The following MDGA1 variants were observed in gnomAD, a reference collection of about 807,000 sequenced individuals.
MDGA1 encodes MAM domain-containing glycosylphosphatidylinositol anchor protein 1.
Under a neutral mutation model 101.5 loss-of-function variants are expected in MDGA1, and 54 were observed. The ratio of observed to expected loss-of-function variants is 0.53; its 90% CI spans 0.43 to 0.67. The LOEUF (loss-of-function observed/expected upper bound fraction) is 0.67, where lower values mean the gene tolerates loss of function less well. MDGA1 is among the 30% of genes least tolerant of loss of function. The pLI is 0.00. For missense variants in MDGA1, 1,083 were observed against 1,323.8 expected (o/e 0.82, Z 2.82); for synonymous variants, 533 against 558.3 (o/e 0.95, Z 0.64).
rs1763937391 is a variant in MDGA1 at position 37,636,718 on chromosome 6, T to A, written c.*650A>T. 2 of 152,744 alleles carry A rather than the reference T, an allele frequency of 1.3e-5. No individual in the cohort carries two copies. The allele number at this position is 152,744 out of a possible 1,614,324, so 9.5% of individuals were successfully genotyped here. ...GGTGTCCCAGAAATAGGTCAAGGAA[T>A]CTGGGGTGACCTATGGTCTCCACCA... On this transcript the variant is annotated 3_prime_UTR_variant, in exon 17 of 17. Coordinates refer to ENST00000434837, the MANE Select transcript of MDGA1 (RefSeq NM_153487.4).
Position 37,654,852 on chromosome 6 carries a change from G to C in MDGA1, c.660C>G (p.Asn220Lys), listed in dbSNP as rs774644920. Residue 220 changes from asparagine (N) to lysine (K), a missense_variant, in exon 5 of 17, where the codon AAC becomes AAG. Physicochemically the swap from Asn to Lys is moderately conservative, Grantham distance 94 (BLOSUM62 0). Around this residue, in one of 3 missense-constraint regions of MDGA1, gnomAD observed 310 missense variants for 355.9 expected, o/e 0.87. Transcript: ENST00000434837. The stretch of plus-strand genomic sequence containing the variant: ...TGGCCTTGTCTGGGATGCCGCACAC[G>C]TTACGCACAGACACCTGGCAGGTGT... ...ASYTCQVSVR[N>K]VCGIPDKAIT... 1.9e-6 allele frequency: 3 copies of C among 1,613,794 alleles called. No homozygotes were observed. Among genetic ancestry groups the C allele is most frequent in the Non-Finnish European group, 2.5e-6 (3 of 1,179,824 alleles).
chr6:37,674,165 C>T (rs975280054), intron 1 of MDGA1, among the ~76,000 whole-genome samples: 33 of 152,192 alleles, frequency 2.2e-4, no homozygotes, highest in African/African-American at 7.5e-4. Flanking sequence ...GCCTTTTCTG[C>T]TCATCAAAAC....
chr6:37,652,139 G>A lies in MDGA1; in HGVS notation c.1184C>T (p.Ala395Val). The change falls in exon 7 of 17, where the codon GCA (alanine) becomes GTA (valine). Residue 395 changes from alanine to valine, a missense_variant. Physicochemically the swap from Ala to Val is moderately conservative, Grantham distance 64. Coordinates refer to ENST00000434837, the MANE Select transcript of MDGA1 (RefSeq NM_153487.4). This position sits in a 1 kb window ranked among gnomAD's most constrained non-coding sequence, Gnocchi z 4.3. ...AATGAGCTCTAGGCTGCTGGTGACT[G>A]CGGGCAGCTCAGGATCATTGCGGGT... ...LVTRNDPELP[A>V]VTSSLELIDL... 1 of 1,613,938 alleles carries A rather than the reference G, an allele frequency of 6.2e-7. No individual in the cohort carries two copies. The highest frequency in any genetic ancestry group is 8.5e-7 in the Non-Finnish European group (1 of 1,179,872).
At chr6:37,675,212 G>A (rs1405013440) in intron 1 of MDGA1, among the ~76,000 whole-genome samples, 1 of 152,162 alleles carries the variant, frequency 6.6e-6, no homozygotes, top group Non-Finnish European at 1.5e-5. Context: ...TGAGGGGTAG[G>A]GAGGAGTGCG....
At chr6:37,639,345 A>G (rs1764009784) in intron 14 of MDGA1, 1 of 152,368 alleles carries the variant, frequency 6.6e-6, no homozygotes, top group Admixed American at 6.5e-5. Flanking sequence ...GGATTTGCCC[A>G]GCAAAAGAGT....
At chr6:37,660,077 T>C (rs931935667) in intron 2 of MDGA1, among the ~76,000 whole-genome samples, 5 of 151,440 alleles carry the variant, frequency 3.3e-5, no homozygotes, top group African/African-American at 1.2e-4. Context: ...TCTTGCTCTG[T>C]CACCCAGGCT....
chr6:37,694,940 T>C (rs1762387049), intron 1 of MDGA1, among the ~76,000 whole-genome samples: 1 of 150,360 alleles, frequency 6.7e-6, no homozygotes, highest in Non-Finnish European at 1.5e-5. Context: ...GGCCCTAGAG[T>C]ACTCTGAAAT....
chr6:37,679,385 G>A (rs1308123114), intron 1 of MDGA1, among the ~76,000 whole-genome samples: 1 of 152,160 alleles, frequency 6.6e-6, no homozygotes, highest in African/African-American at 2.4e-5. Flanking sequence ...ATGGGGTCTG[G>A]AATGGACAGT....
chr6:37,664,317 T>TC, intron 1 of MDGA1: 1 of 571,050 alleles, frequency 1.8e-6, no homozygotes, highest in Non-Finnish European at 3.1e-6. Flanking sequence ...AAGGGACAGT[T>TC]CCCCAACCCC....
chr6:37,655,823 C>T lies in MDGA1; in HGVS notation c.456G>A (p.Thr152=), dbSNP rs755443709. Residue 152 remains threonine (T), a synonymous_variant, in exon 4 of 17, where the codon ACG becomes ACA. Coordinates refer to ENST00000434837, the MANE Select transcript of MDGA1 (RefSeq NM_153487.4). The surrounding 1 kb of genome is among the most constrained non-coding windows in gnomAD (Gnocchi z 5.1). ...DVRGNFYQEK[T]VFLRCTVNSN... ...AGTTGACAGTACAGCGCAGGAACAC[C>T]GTCTTCTCCTGGTAGAAGTTGCCTC... is the stretch of plus-strand genomic sequence containing the variant. 3.7e-6 allele frequency: 6 copies of T among 1,613,570 alleles called. No homozygotes were observed. Among genetic ancestry groups the T allele is most frequent in the African/African-American group, 1.3e-5 (1 of 74,924 alleles).
intron 1 of MDGA1, among the ~76,000 whole-genome samples, chr6:37,686,432 C>CTTTTTT (rs35643390): frequency 7.0e-6 from 1 of 143,134 alleles, no homozygotes; most frequent in Admixed American, 6.9e-5. Context: ...GCAACCTGGG[C>CTTTTTT]TTTTTTTTTT....
At chr6:37,642,373 T>C (rs746538631) in intron 14 of MDGA1, among the ~76,000 whole-genome samples, 40 of 152,008 alleles carry the variant, frequency 2.6e-4, no homozygotes, top group Non-Finnish European at 5.4e-4. Context: ...GGTTTCGCCA[T>C]GTTAGCCAGG....
Position 37,655,729 on chromosome 6 carries a change from C to A in MDGA1, c.550G>T (p.Val184Phe). Residue 184 changes from valine to phenylalanine, a missense_variant, in exon 4 of 17, where the codon GTT becomes TTT. By Grantham distance (50) the Val-to-Phe change is conservative. This residue lies in a region of MDGA1 where 310 missense variants were observed against 355.9 expected (regional missense o/e 0.87). Transcript: ENST00000434837. The surrounding 1 kb of genome is among the most constrained non-coding windows in gnomAD (Gnocchi z 5.1). ...GTGTAGAGGGGCTCATAGATGTCAA[C>A]CCCATTGTCCTGGCTGTGGGATAGG... ...DTLSHSQDNG[V>F]DIYEPLYTQG... 6.2e-7 allele frequency: 1 copy of A among 1,612,310 alleles called. No individual in the cohort carries two copies. Among genetic ancestry groups the A allele is most frequent in the Non-Finnish European group, 8.5e-7 (1 of 1,179,108 alleles).
At chr6:37,684,149 C>T (rs1044122035) in intron 1 of MDGA1, among the ~76,000 whole-genome samples, 3 of 152,246 alleles carry the variant, frequency 2.0e-5, no homozygotes, top group Admixed American at 2.0e-4. Flanking sequence ...CCAGAGTAAC[C>T]TTCTGGAAAC....
rs566987372 is a variant in MDGA1, at chr6:37,635,254, A to G, written c.*2114T>C. ...CCAGGAACCACTGATTACAGAATCC[A>G]TTCCACCGGGCAATGGAGTGGTTTC... is the stretch of plus-strand genomic sequence containing the variant. On this transcript the variant is annotated 3_prime_UTR_variant, in exon 17 of 17. Transcript: ENST00000434837. 2.5e-6 allele frequency: 1 copy of G among 393,114 alleles called. No individual in the cohort carries two copies. Among genetic ancestry groups the G allele is most frequent in the South Asian group, 1.4e-4 (1 of 6,974 alleles). The allele number at this position is 393,114 out of a possible 1,614,324, so 24.4% of individuals were successfully genotyped here.
In MDGA1 at chr6:37,693,105, A is replaced by G. The variant is rs1342691965; in HGVS notation, c.67+3640T>C. Among the ~76,000 whole-genome samples, 5 of 152,220 alleles carry G rather than the reference A, an allele frequency of 3.3e-5. No individual in the cohort carries two copies. The East Asian group carries it at 7.7e-4, about 23-fold the overall frequency. ...ACAAAGTGCTCCCCCTCGCTTGTGCAATTTCTGTAAGTGAAAAGAAAGAAG... is the reference window on the plus strand; with the variant it reads ...ACAAAGTGCTCCCCCTCGCTTGTGCGATTTCTGTAAGTGAAAAGAAAGAAG... On this transcript the variant is annotated intron_variant, in intron 1 of 16. Coordinates refer to ENST00000434837, the MANE Select transcript of MDGA1 (RefSeq NM_153487.4).
At chr6:37,660,036 C>T (rs79154842) in intron 2 of MDGA1, among the ~76,000 whole-genome samples, 87 of 142,876 alleles carry the variant, frequency 6.1e-4, no homozygotes, top group Non-Finnish European at 8.6e-4. Context: ...TTATCTCTCT[C>T]TTTTTTTTTT....
At chr6:37,654,655 G>C in intron 5 of MDGA1, 112 bp from the exon 6 acceptor site, 2 of 1,554,304 alleles carry the variant, frequency 1.3e-6, no homozygotes, top group Non-Finnish European at 1.8e-6. Context: ...GGGGAGATGA[G>C]AGGGGAGAAG....
intron 1 of MDGA1, among the ~76,000 whole-genome samples, chr6:37,677,546 A>C (rs1299859180): frequency 6.6e-6 from 1 of 152,072 alleles, no homozygotes; most frequent in Non-Finnish European, 1.5e-5. Context: ...ATAGCAGGAG[A>C]CGTGTGTAGG....
Sources: allele counts gnomAD v4.1 joint callset (sites outside exome capture counted in the v4.1 genomes callset), GRCh38; gene constraint gnomAD v4.1.1; regional missense constraint gnomAD v4.1.1; non-coding constraint Gnocchi (gnomAD v3.1); transcripts MANE v1.5; gene names NCBI Gene and HGNC (gene_info 2026-07-23, HGNC 2026-07-21).